Variants in SLAMF1 observed in about 807,000 individuals in gnomAD.
SLAMF1 encodes the protein signaling lymphocytic activation molecule.
Under a neutral mutation model 35.1 loss-of-function variants are expected in SLAMF1, and 18 were observed. The observed-to-expected ratio is 0.51, with a 90% confidence interval of 0.35 to 0.76. The LOEUF (loss-of-function observed/expected upper bound fraction) is 0.76, where lower values mean the gene tolerates loss of function less well. SLAMF1 is among the 30% of genes least tolerant of loss of function. The pLI, the probability that SLAMF1 is intolerant of heterozygous loss-of-function variation, is 0.01. For synonymous variants in SLAMF1, 168 were observed against 157.2 expected (o/e 1.07, Z -0.51); for missense variants, 392 against 413.0 (o/e 0.95, Z 0.44).
In SLAMF1 at chr1:160,634,848, G is replaced by T; in HGVS notation, c.465C>A (p.Asn155Lys). ...EIKVLNKTQE[N>K]GTCTLILGCT... ...AGCCCAGTATCAAGGTGCAGGTCCCGTTCTCCTGGGTCTTGTTTAAAACTT... is the reference window on the plus strand; with the variant it reads ...AGCCCAGTATCAAGGTGCAGGTCCCTTTCTCCTGGGTCTTGTTTAAAACTT... The change falls in exon 3 of 7, where the codon AAC becomes AAA. Residue 155 changes from asparagine (N) to lysine (K), a missense_variant. Transcript: ENST00000302035. The T allele has an allele frequency of 2.5e-6, 4 of 1,614,058 alleles. No homozygotes were observed. The highest frequency in any genetic ancestry group is 3.4e-6 in the Non-Finnish European group (4 of 1,179,968).
At position 160,633,666 on chromosome 1, in the gene SLAMF1, G is replaced by A. The variant is rs144711363; in HGVS notation, c.700+947C>T. On this transcript the variant is annotated intron_variant, in intron 3 of 6. Coordinates refer to ENST00000302035, the MANE Select transcript of SLAMF1 (RefSeq NM_003037.5). ...ACAGTCCCTGAACCTGCCTGAGGCA[G>A]GGACACAAGATCTGTTAGTGAAAAG... is the stretch of plus-strand genomic sequence containing the variant. Among the ~76,000 whole-genome samples the A allele has an allele frequency of 2.0e-3, 302 of 152,340 alleles. 2 individuals are homozygous for A. The highest frequency in any genetic ancestry group is 6.9e-3 in the African/African-American group (286 of 41,574).
rs79019236 is a variant in SLAMF1 at position 160,634,305 on chromosome 1, C to A, written c.700+308G>T. On this transcript the variant is annotated intron_variant, in intron 3 of 6. Transcript: ENST00000302035. ...AGGCCCTCCCACCTGCAATCCCTCA[C>A]CCAGCCAACCTTGCAGGTTGGAGTC... 5,908 of 693,682 alleles carry A rather than the reference C, an allele frequency of 8.5e-3. 306 individuals carry two copies. The African/African-American group carries it at 0.11, about 12-fold the overall frequency. 43.0% of individuals were successfully genotyped at this position (693,682 alleles called of 1,614,324 possible). A position where few individuals can be genotyped will look rare whatever the true frequency, so the allele number is the denominator to read the frequency against.
chr1:160,646,235 C>G (rs996551699), intron 1 of SLAMF1, among the ~76,000 whole-genome samples: 4 of 152,214 alleles, frequency 2.6e-5, no homozygotes, highest in African/African-American at 9.7e-5. Context: ...TTCCCACATA[C>G]TGTAACCAGC....
rs1660338980 is a variant in SLAMF1 at position 160,634,729 on chromosome 1, G to A, written c.584C>T (p.Ser195Phe). The A allele has an allele frequency of 6.2e-7, 1 of 1,614,184 alleles. No individual in the cohort carries two copies. The highest frequency in any genetic ancestry group is 1.3e-5 in the African/African-American group (1 of 75,048). ...AGCATGCTGGGGGCCGAGGGTGAGG[G>A]ACAGGAGGTGGGAGCTGTTGGCTGG... ...LNPANSSHLLSLTLGPQHADN... is the reference protein window; with the variant it reads ...LNPANSSHLLFLTLGPQHADN... The change falls in exon 3 of 7, where the codon TCC becomes TTC. Residue 195 changes from serine to phenylalanine, a missense_variant. Physicochemically the swap from Ser to Phe is radical, Grantham distance 155. Transcript: ENST00000302035.
intron 1 of SLAMF1, among the ~76,000 whole-genome samples, chr1:160,639,537 C>A (rs1660633257): frequency 1.3e-5 from 2 of 152,116 alleles, no homozygotes; most frequent in African/African-American, 4.8e-5. Flanking sequence ...ATACTCCACA[C>A]TCATTTTAAC....
At chr1:160,623,484 G>C (rs759847065) in intron 4 of SLAMF1, 11 of 398,448 alleles carry the variant, frequency 2.8e-5, no homozygotes, top group Non-Finnish European at 4.9e-5. Context: ...GTGTTATGAG[G>C]ATCAAGTTCT....
At chr1:160,616,286 A>G (rs1030022029) in intron 5 of SLAMF1, among the ~76,000 whole-genome samples, 2 of 151,712 alleles carry the variant, frequency 1.3e-5, no homozygotes, top group Admixed American at 6.6e-5. Flanking sequence ...TCTGTTACTT[A>G]TTTTTTTAAG....
At chr1:160,636,077 C>A in intron 2 of SLAMF1, among the ~76,000 whole-genome samples, 1 of 152,172 alleles carries the variant, frequency 6.6e-6, no homozygotes, top group East Asian at 1.9e-4. Flanking sequence ...GTTGCAGAGA[C>A]CACATTTTCC....
At chr1:160,640,325 CATATATATATATATATATATAT>C (rs56785818) in intron 1 of SLAMF1, among the ~76,000 whole-genome samples, 9 of 94,158 alleles carry the variant, frequency 9.6e-5, no homozygotes, top group South Asian at 3.7e-4. Flanking sequence ...TTAGGTTTGT[CATATATATATATATATATATAT>C]ATATATATAT....
rs116143298 is a variant in SLAMF1 at position 160,622,954 on chromosome 1, G to A, written c.790+1142C>T. On this transcript the variant is annotated intron_variant, in intron 4 of 6. Coordinates refer to ENST00000302035, the MANE Select transcript of SLAMF1 (RefSeq NM_003037.5). ...GCAGCAACTAAATATAAATTTTACC[G>A]CAAGTTTGAGGCAGTTTTGTGTGTT... Among the ~76,000 whole-genome samples the A allele has an allele frequency of 2.2e-3, 339 of 152,240 alleles. 1 individual carries two copies. The highest frequency in any genetic ancestry group is 7.7e-3 in the African/African-American group (320 of 41,524).
chr1:160,613,072 C>T (rs1171017190), intron 5 of SLAMF1, among the ~76,000 whole-genome samples: 1 of 152,112 alleles, frequency 6.6e-6, no homozygotes, highest in Non-Finnish European at 1.5e-5. Context: ...CACACTTCAC[C>T]GATGATGAAG....
chr1:160,646,903 G>T lies in SLAMF1; in HGVS notation c.43C>A (p.Leu15Ile). 1 of 1,609,080 alleles carries T rather than the reference G, an allele frequency of 6.2e-7. No homozygotes were observed. Among genetic ancestry groups the T allele is most frequent in the South Asian group, 1.1e-5 (1 of 90,912 alleles). Residue 15 changes from leucine to isoleucine, a missense_variant, in exon 1 of 7, where the codon CTC (leucine) becomes ATC (isoleucine). Coordinates refer to ENST00000302035, the MANE Select transcript of SLAMF1 (RefSeq NM_003037.5). ...GLLSLTFVLF[L>I]SLAFGASYGT... The stretch of plus-strand genomic sequence containing the variant: ...TAGCTTGCCCCAAAAGCCAGGGAGA[G>T]AAACAGCACGAAGGTCAAGGAGAGG...
chr1:160,610,166 T>C lies in SLAMF1; in HGVS notation c.*582A>G. The C allele has an allele frequency of 2.7e-6, 1 of 365,830 alleles. No individual in the cohort carries two copies. The highest frequency in any genetic ancestry group is 7.6e-5 in the East Asian group (1 of 13,142). The allele number at this position is 365,830 out of a possible 1,614,324, so 22.7% of individuals were successfully genotyped here. Reference sequence around the variant, plus strand: ...GGTTTTGCAAATAAAATAATATTCTTAGCTTCCTTTATACAATAATATCAG... The same window carrying C: ...GGTTTTGCAAATAAAATAATATTCTCAGCTTCCTTTATACAATAATATCAG... On this transcript the variant is annotated 3_prime_UTR_variant, in exon 7 of 7. Coordinates refer to ENST00000302035, the MANE Select transcript of SLAMF1 (RefSeq NM_003037.5).
At chr1:160,641,489 TA>T (rs1300779423) in intron 1 of SLAMF1, among the ~76,000 whole-genome samples, 1 of 150,696 alleles carries the variant, frequency 6.6e-6, no homozygotes, top group Non-Finnish European at 1.5e-5. Flanking sequence ...AAAAATAAAA[TA>T]AACGAAAGAA....
intron 5 of SLAMF1, 71 bp downstream of exon 5, chr1:160,619,705 G>T: frequency 1.0e-6 from 1 of 988,706 alleles, no homozygotes; most frequent in Non-Finnish European, 1.6e-6. Context: ...ATGTCCAACA[G>T]GCAAGGTAGA....
intron 3 of SLAMF1, among the ~76,000 whole-genome samples, chr1:160,627,821 G>A (rs1473749272): frequency 6.6e-6 from 1 of 152,106 alleles, no homozygotes; most frequent in Admixed American, 6.6e-5. Flanking sequence ...TCAGTGATAT[G>A]GTTTGGCCAC....
rs566133883 is a variant in SLAMF1 at position 160,612,532 on chromosome 1, T to C, written c.913A>G (p.Thr305Ala). 1.2e-6 allele frequency: 2 copies of C among 1,613,168 alleles called. No homozygotes were observed. Among genetic ancestry groups the C allele is most frequent in the African/African-American group, 2.7e-5 (2 of 74,944 alleles). ...GGCTCTGTGGCAGCAACATATATGG[T>C]GGTGCAAGGGTCCTGAGCTGGGAAG... ...DSFPAQDPCTTIYVAATEPVP... is the reference protein window; with the variant it reads ...DSFPAQDPCTAIYVAATEPVP... The change falls in exon 6 of 7, where the codon ACC becomes GCC. Residue 305 changes from threonine to alanine, a missense_variant. Transcript: ENST00000302035.
At chr1:160,627,304 G>A (rs1659934100) in intron 3 of SLAMF1, among the ~76,000 whole-genome samples, 1 of 152,220 alleles carries the variant, frequency 6.6e-6, no homozygotes, top group African/African-American at 2.4e-5. Flanking sequence ...ACTTCTGCTA[G>A]CCTCAATTCT....
intron 3 of SLAMF1, among the ~76,000 whole-genome samples, chr1:160,625,824 A>AGTGTGT (rs3223445): frequency 0.011 from 1,583 of 145,268 alleles, 11 homozygotes; most frequent in East Asian, 0.026. Flanking sequence ...TCTGTGCAGG[A>AGTGTGT]GTGTGTGTGT....
Sources: allele counts gnomAD v4.1 joint callset (sites outside exome capture counted in the v4.1 genomes callset), GRCh38; gene constraint gnomAD v4.1.1; transcripts MANE v1.5; gene names NCBI Gene and HGNC (gene_info 2026-07-23, HGNC 2026-07-21).